The following KLC1 variants were observed in gnomAD, a reference collection of about 807,000 sequenced individuals.
The protein encoded by KLC1 is kinesin light chain 1, also known as kinesin 2 60/70kDa.
Under a neutral mutation model 84.2 loss-of-function variants are expected in KLC1, and 30 were observed. The ratio of observed to expected loss-of-function variants is 0.36; its 90% CI spans 0.27 to 0.48. The LOEUF is 0.48. Ranked by LOEUF, KLC1 falls within the 20% of genes least tolerant of loss-of-function variation. The pLI is 0.99. For synonymous variants in KLC1, 289 were observed against 293.3 expected (o/e 0.99, Z 0.15); for missense variants, 499 against 805.4 (o/e 0.62, Z 4.60).
At chr14:103,683,446 G>A (rs1310740850) in intron 13 of KLC1, 1 of 152,214 alleles carries the variant, frequency 6.6e-6, no homozygotes, top group East Asian at 1.9e-4. Context: ...ACTGCATTGT[G>A]CACAGAAATC....
rs1401320751 is a variant in KLC1 at position 103,696,759 on chromosome 14, A to G, written c.1849-3896A>G. 1.5e-5 allele frequency: 15 copies of G among 985,366 alleles called. No individual in the cohort carries two copies. In the Admixed American group the frequency reaches 2.5e-4, roughly 16 times the overall value. 61.0% of individuals were successfully genotyped at this position (985,366 alleles called of 1,614,324 possible). A position where few individuals can be genotyped will look rare whatever the true frequency, so the allele number is the denominator to read the frequency against. ...TTAAGCGGTTTTAGTGTTTTATAAT[A>G]TGGTGAGGCAATGAGGGTCAGGGCG... is the stretch of plus-strand genomic sequence containing the variant. On this transcript the variant is annotated intron_variant, in intron 15 of 16. Coordinates refer to ENST00000334553, the MANE Select transcript of KLC1 (RefSeq NM_001394837.1).
chr14:103,675,424 A>C, intron 9 of KLC1, 128 bp from the exon 10 acceptor site: 1 of 670,718 alleles, frequency 1.5e-6, no homozygotes, highest in Non-Finnish European at 2.6e-6. Flanking sequence ...CATTATTCAA[A>C]GTGCTCCAAA....
intron 1 of KLC1, among the ~76,000 whole-genome samples, chr14:103,631,514 G>C (rs1334764253): frequency 6.6e-6 from 1 of 152,158 alleles, no homozygotes; most frequent in African/African-American, 2.4e-5. Context: ...ACCTAGGATA[G>C]AAAAATCAAA....
intron 1 of KLC1, among the ~76,000 whole-genome samples, chr14:103,645,060 G>A (rs1019082178): frequency 6.6e-6 from 1 of 151,796 alleles, no homozygotes; most frequent in Non-Finnish European, 1.5e-5. Flanking sequence ...TGCAACCTCC[G>A]CCTCCTGGGT....
chr14:103,692,412 A>G lies in KLC1; in HGVS notation c.1835A>G (p.Glu612Gly), dbSNP rs2082173346. The G allele has an allele frequency of 6.5e-7, 1 of 1,536,612 alleles. No individual in the cohort carries two copies. Among genetic ancestry groups the G allele is most frequent in the Non-Finnish European group, 8.7e-7 (1 of 1,146,996 alleles). Residue 612 changes from glutamate to glycine, a missense_variant, in exon 15 of 17, where the codon GAA becomes GGA. Coordinates refer to ENST00000334553, the MANE Select transcript of KLC1 (RefSeq NM_001394837.1). ...CTTAACGTGGGTGGCAAGGCTGCTG[A>G]AGATCGCTTTCAAGTAAGGAGCCTA... ...NVLNVGGKAA[E>G]DRFQGVSGRA...
chr14:103,658,003 C>T (rs565120576), intron 3 of KLC1, among the ~76,000 whole-genome samples: 1 of 152,252 alleles, frequency 6.6e-6, no homozygotes, highest in South Asian at 2.1e-4. Context: ...GGCTCTGGAG[C>T]TTCCTTGCCC....
intron 7 of KLC1, 30 bp downstream of exon 7, chr14:103,670,313 T>C: frequency 6.6e-7 from 1 of 1,524,036 alleles, no homozygotes; most frequent in Non-Finnish European, 9.0e-7. Flanking sequence ...TCGTTTTCTT[T>C]GAGATTTTTG....
intron 3 of KLC1, among the ~76,000 whole-genome samples, chr14:103,659,950 T>G (rs1249370455): frequency 2.6e-5 from 4 of 152,198 alleles, no homozygotes; most frequent in Admixed American, 2.6e-4. Context: ...GTAAGCTCTC[T>G]GGTGTCTCTT....
chr14:103,695,326 T>TAC (rs2082367036), intron 15 of KLC1: 1 of 547,754 alleles, frequency 1.8e-6, no homozygotes, highest in Non-Finnish European at 2.2e-6. Flanking sequence ...TATATATATA[T>TAC]ATGTGTGTGT....
At position 103,695,765 on chromosome 14, in the gene KLC1, A is replaced by T. The variant is rs1368588837; in HGVS notation, c.1848+3340A>T. 4.1e-6 allele frequency: 4 copies of T among 985,310 alleles called. No homozygotes were observed. In the African/African-American group the frequency reaches 7.0e-5, roughly 17 times the overall value. 61.0% of individuals were successfully genotyped at this position (985,310 alleles called of 1,614,324 possible). A position where few individuals can be genotyped will look rare whatever the true frequency, so the allele number is the denominator to read the frequency against. On this transcript the variant is annotated intron_variant, in intron 15 of 16. Coordinates refer to ENST00000334553, the MANE Select transcript of KLC1 (RefSeq NM_001394837.1). Reference sequence around the variant, plus strand: ...ACTTTAGGGCCGAGGTGGCCTCTGCAGCACTGTGGCTGTGGGAGCACTGTG... The same window carrying T: ...ACTTTAGGGCCGAGGTGGCCTCTGCTGCACTGTGGCTGTGGGAGCACTGTG...
chr14:103,656,323 C>CA (rs2078840782), intron 2 of KLC1, among the ~76,000 whole-genome samples: 1 of 152,162 alleles, frequency 6.6e-6, no homozygotes, highest in Admixed American at 6.5e-5. Flanking sequence ...TCTGCAATCC[C>CA]AGGGCCAGAT....
rs972883360 is a variant in KLC1, at chr14:103,695,584, T to G, written c.1848+3159T>G. The G allele has an allele frequency of 5.3e-5, 52 of 985,232 alleles. No homozygotes were observed. The African/African-American group carries it at 8.7e-4, about 17-fold the overall frequency. The allele number at this position is 985,232 out of a possible 1,614,324, so 61.0% of individuals were successfully genotyped here. A position where few individuals can be genotyped will look rare whatever the true frequency, so the allele number is the denominator to read the frequency against. On this transcript the variant is annotated intron_variant, in intron 15 of 16. Transcript: ENST00000334553. ...AGCAGAGTTTGGAACCCAGACAGTT[T>G]CCCTTAGTGACAGTTATCTGGAAAG...
In KLC1 at chr14:103,701,247, CCGG is replaced by C; in HGVS notation, c.*49_*51del. The stretch of plus-strand genomic sequence containing the variant: ...CCAGGATGGGACTGCCGAGTGTGGC[CCGG>C]AGCTGGCCCGGGACAGCCAGGGCGG... On this transcript the variant is annotated 3_prime_UTR_variant, in exon 17 of 17. Transcript: ENST00000334553. 1.3e-6 allele frequency: 2 copies of C among 1,545,470 alleles called. No homozygotes were observed. The highest frequency in any genetic ancestry group is 1.7e-6 in the Non-Finnish European group (2 of 1,143,254).
At chr14:103,690,192 A>AG (rs2082015861) in intron 14 of KLC1, among the ~76,000 whole-genome samples, 1 of 152,186 alleles carries the variant, frequency 6.6e-6, no homozygotes, top group East Asian at 1.9e-4. Flanking sequence ...AAAAAAAAAA[A>AG]AAGTTAATGG....
intron 1 of KLC1, among the ~76,000 whole-genome samples, chr14:103,639,559 T>G (rs1247587174): frequency 6.6e-6 from 1 of 151,428 alleles, no homozygotes; most frequent in African/African-American, 2.4e-5. Flanking sequence ...CCTCCCACCT[T>G]AGCCTCCTGA....
chr14:103,641,186 G>A (rs529239774), intron 1 of KLC1, among the ~76,000 whole-genome samples: 5 of 152,258 alleles, frequency 3.3e-5, no homozygotes, highest in African/African-American at 1.2e-4. Context: ...CGGCCTCCCA[G>A]TGTTGGGATC....
intron 11 of KLC1, among the ~76,000 whole-genome samples, chr14:103,676,922 C>T (rs546572340): frequency 2.0e-5 from 3 of 152,184 alleles, no homozygotes; most frequent in Non-Finnish European, 4.4e-5. Context: ...TATTGCTTCC[C>T]TGGTACATGA....
intron 12 of KLC1, 190 bp from the exon 13 acceptor site, chr14:103,679,194 G>A (rs8003289): frequency 0.63 from 427,431 of 676,510 alleles, 139,843 homozygotes; most frequent in Non-Finnish European, 0.7. Context: ...CTGTTCCTCT[G>A]AGGGGTCCTT....
intron 5 of KLC1, 22 bp from the exon 6 acceptor site, chr14:103,669,489 T>G (rs2080201104): frequency 7.4e-7 from 1 of 1,347,240 alleles, no homozygotes; most frequent in Admixed American, 1.7e-5. Flanking sequence ...CTGAAACACT[T>G]AATGTGTGTT....
Sources: allele counts gnomAD v4.1 joint callset (sites outside exome capture counted in the v4.1 genomes callset), GRCh38; gene constraint gnomAD v4.1.1; transcripts MANE v1.5; gene names NCBI Gene and HGNC (gene_info 2026-07-23, HGNC 2026-07-21).